The following ZIM2 variants were observed in gnomAD, a reference collection of about 807,000 sequenced individuals.
The protein encoded by ZIM2 is zinc finger protein 656.
ZIM2 carries 14 observed loss-of-function variants against 38.6 expected under a neutral mutation model. The ratio of observed to expected loss-of-function variants is 0.36; its 90% CI spans 0.24 to 0.57. ZIM2 has a LOEUF of 0.57. Ranked by LOEUF, ZIM2 falls within the 20% of genes least tolerant of loss-of-function variation. The pLI, the probability that ZIM2 is intolerant of heterozygous loss-of-function variation, is 0.81. For missense variants in ZIM2, 680 were observed against 695.1 expected (o/e 0.98, Z 0.24); for synonymous variants, 247 against 245.8 (o/e 1.00, Z -0.04).
At chr19:56,817,997 T>C (rs1158740859) in intron 8 of ZIM2, among the ~76,000 whole-genome samples, 159 bp from the exon 9 acceptor site, 1 of 152,194 alleles carries the variant, frequency 6.6e-6, no homozygotes, top group African/African-American at 2.4e-5. Flanking sequence ...TTCCCTACTA[T>C]CTATTCCCTA....
At position 56,834,473 on chromosome 19, in the gene ZIM2, A is replaced by G. The variant is rs185756076; in HGVS notation, c.-227+1545T>C. Among the ~76,000 whole-genome samples the G allele has an allele frequency of 1.4e-3, 215 of 152,284 alleles. 1 individual carries two copies. Among genetic ancestry groups the G allele is most frequent in the African/African-American group, 5.0e-3 (206 of 41,562 alleles). ...CCCATGTAGGTCTGCCTACAGGGAG[A>G]GAATTTGCTGATCATACACACTGCT... On this transcript the variant is annotated intron_variant, in intron 2 of 12. Coordinates refer to ENST00000629319, the MANE Select transcript of ZIM2 (RefSeq NM_001387356.1).
chr19:56,812,747 A>G (rs916411976), intron 9 of ZIM2: 41 of 985,212 alleles, frequency 4.2e-5, no homozygotes, highest in Non-Finnish European at 4.8e-5. Context: ...TTAAAGGCAA[A>G]GATGTAAGAT....
chr19:56,813,958 T>A (rs1187883374), intron 9 of ZIM2: 3 of 1,614,120 alleles, frequency 1.9e-6, no homozygotes, highest in Non-Finnish European at 2.5e-6. Flanking sequence ...AATCTCTTGA[T>A]CTTCACCTTC....
At chr19:56,817,865 CA>C in intron 8 of ZIM2, 27 bp from the exon 9 acceptor site, 1 of 1,582,810 alleles carries the variant, frequency 6.3e-7, no homozygotes, top group African/African-American at 1.3e-5. Flanking sequence ...TATGATGCCT[CA>C]AATTCAAGTT....
intron 9 of ZIM2, among the ~76,000 whole-genome samples, chr19:56,797,694 C>G (rs899979779): frequency 2.0e-5 from 3 of 152,132 alleles, no homozygotes; most frequent in Admixed American, 6.6e-5. Context: ...AACAAGGTGG[C>G]CTTGGCTGCT....
chr19:56,788,841 T>A (rs749862802), intron 10 of ZIM2, among the ~76,000 whole-genome samples: 5 of 151,884 alleles, frequency 3.3e-5, no homozygotes, highest in Non-Finnish European at 7.4e-5. Flanking sequence ...GAGGCTTTGT[T>A]CATTTCTTTT....
At chr19:56,835,100 C>G (rs907443894) in intron 2 of ZIM2, among the ~76,000 whole-genome samples, 1 of 152,124 alleles carries the variant, frequency 6.6e-6, no homozygotes, top group African/African-American at 2.4e-5. Context: ...TTCACTCCTC[C>G]CTGTGATATG....
At chr19:56,792,689 A>AT (rs2047003009) in intron 9 of ZIM2, among the ~76,000 whole-genome samples, 1 of 152,148 alleles carries the variant, frequency 6.6e-6, no homozygotes, top group South Asian at 2.1e-4. Context: ...GCAAAGGTTG[A>AT]AAAACTGCCT....
intron 9 of ZIM2, among the ~76,000 whole-genome samples, chr19:56,804,487 G>A (rs1186656723): frequency 6.6e-6 from 1 of 152,212 alleles, no homozygotes; most frequent in Admixed American, 6.5e-5. Flanking sequence ...CAATGAGTAG[G>A]TGTAGCGATT....
chr19:56,834,761 C>T (rs2061915369), intron 2 of ZIM2, among the ~76,000 whole-genome samples: 1 of 152,144 alleles, frequency 6.6e-6, no homozygotes, highest in Non-Finnish European at 1.5e-5. Context: ...ATGTCAGCTT[C>T]TCCCTAAGCA....
chr19:56,839,792 A>G (rs1693664860), intron 1 of ZIM2, among the ~76,000 whole-genome samples: 1 of 151,868 alleles, frequency 6.6e-6, no homozygotes, highest in Admixed American at 6.5e-5. Flanking sequence ...GGCAAACCTC[A>G]GCCACCCTCA....
rs746178283 is a variant in ZIM2, at chr19:56,814,814, T to A, written c.490+2932A>T. On this transcript the variant is annotated intron_variant, in intron 9 of 12. Transcript: ENST00000629319. The surrounding 1 kb of genome is among the most constrained non-coding windows in gnomAD (Gnocchi z 5.8). ...GGATTCCTCTCTGCAGCACGATTCC[T>A]CCGTGGCTTCATGGGCAAGAGGGCA... 1.3e-5 allele frequency: 21 copies of A among 1,614,172 alleles called. No individual in the cohort carries two copies. The highest frequency in any genetic ancestry group is 1.8e-5 in the Non-Finnish European group (21 of 1,180,040).
chr19:56,783,801 C>T (rs149492710), intron 10 of ZIM2, among the ~76,000 whole-genome samples: 6 of 152,236 alleles, frequency 3.9e-5, no homozygotes, highest in Middle Eastern at 6.8e-3. Context: ...TTGTAACAAA[C>T]CTGCACATGT....
Position 56,774,682 on chromosome 19 carries a change from G to A in ZIM2, c.*6C>T. ...GAGAAAAGTGTGTGCTGTGACTAAA[G>A]GTTTCTCAACAGTGATCGCACTCAA... is the stretch of plus-strand genomic sequence containing the variant. On this transcript the variant is annotated 3_prime_UTR_variant, in exon 13 of 13. Transcript: ENST00000629319. 1 of 1,612,462 alleles carries A rather than the reference G, an allele frequency of 6.2e-7. No homozygotes were observed. Among genetic ancestry groups the A allele is most frequent in the South Asian group, 1.1e-5 (1 of 90,916 alleles).
intron 2 of ZIM2, among the ~76,000 whole-genome samples, chr19:56,834,870 T>C (rs2061931445): frequency 6.6e-6 from 1 of 152,200 alleles, no homozygotes; most frequent in Non-Finnish European, 1.5e-5. Flanking sequence ...CCAGGGATTA[T>C]GTCATTCACT....
chr19:56,778,748 C>G (rs891696201), intron 12 of ZIM2, among the ~76,000 whole-genome samples: 1 of 152,082 alleles, frequency 6.6e-6, no homozygotes, highest in African/African-American at 2.4e-5. Flanking sequence ...TTTCTGTTAA[C>G]TACAACTGAA....
chr19:56,798,551 G>A (rs1442851617), intron 9 of ZIM2: 1 of 152,100 alleles, frequency 6.6e-6, no homozygotes, highest in African/African-American at 2.4e-5. Context: ...CATGGGCACA[G>A]GCAAATATTT....
intron 2 of ZIM2, among the ~76,000 whole-genome samples, chr19:56,828,681 A>G (rs1215967259): frequency 6.6e-6 from 1 of 152,246 alleles, no homozygotes; most frequent in East Asian, 1.9e-4. Flanking sequence ...GATGACAGTT[A>G]ATGTTTGAAA....
intron 9 of ZIM2, chr19:56,815,827 C>T (rs1331847400): frequency 3.7e-6 from 6 of 1,613,344 alleles, no homozygotes; most frequent in Middle Eastern, 1.6e-4. Flanking sequence ...AATCTTCTGT[C>T]GCTTATCATT....
Sources: gnomAD v4.1 joint callset for allele counts (sites outside exome capture counted in the v4.1 genomes callset) on GRCh38, gnomAD v4.1.1 for gene constraint, Gnocchi (gnomAD v3.1) non-coding constraint, MANE v1.5 for transcripts, NCBI Gene and HGNC (gene_info 2026-07-23, HGNC 2026-07-21) for gene names.